The following HPS4 variants were observed in gnomAD, a reference collection of about 807,000 sequenced individuals.
The protein encoded by HPS4 is HPS4 biogenesis of lysosomal organelles complex 3 subunit 2.
HPS4 carries 44 observed loss-of-function variants against 70.3 expected under a neutral mutation model. The ratio of observed to expected loss-of-function variants is 0.63; its 90% CI spans 0.49 to 0.80. HPS4 has a LOEUF of 0.80. Among genes scored for constraint, HPS4 ranks in the 30% least tolerant of loss-of-function variants. The probability of loss-of-function intolerance (pLI) is 0.00; values close to 1 mark genes in which losing one functional copy is unlikely to be tolerated. For missense variants in HPS4, 873 were observed against 884.4 expected, an observed-to-expected ratio of 0.99 and a Z score of 0.16; for synonymous variants, 377 against 355.9, an observed-to-expected ratio of 1.06 and a Z score of -0.67.
Position 26,464,447 on chromosome 22 carries a change from G to T in HPS4, c.1183C>A (p.Pro395Thr). 1 of 1,614,222 alleles carries T rather than the reference G, an allele frequency of 6.2e-7. No individual in the cohort carries two copies. The highest frequency in any genetic ancestry group is 8.5e-7 in the Non-Finnish European group (1 of 1,180,034). ...TTGCAGTAAGGAGCCCTGCCATCTG[G>T]AACAGGCACATGTAGGAAGGCAAAA... ...GHFAFLHVPV[P>T]DGRAPYCKAS... Residue 395 changes from proline to threonine, a missense_variant, in exon 11 of 14, where the codon CCA becomes ACA. Coordinates refer to ENST00000398145, the MANE Select transcript of HPS4 (RefSeq NM_022081.6).
chr22:26,457,297 ACCTCTG>A (rs2086327271), intron 13 of HPS4, among the ~76,000 whole-genome samples: 1 of 148,684 alleles, frequency 6.7e-6, no homozygotes, highest in Admixed American at 6.8e-5. Flanking sequence ...GCTCACTATA[ACCTCTG>A]CCACCCGGGT....
At chr22:26,453,795 T>C (rs1280059167) in intron 13 of HPS4, 1 of 304,864 alleles carries the variant, frequency 3.3e-6, no homozygotes, top group Non-Finnish European at 6.4e-6. Flanking sequence ...TATGGTCCCA[T>C]TTCACAGACA....
intron 13 of HPS4, among the ~76,000 whole-genome samples, chr22:26,455,495 C>T (rs537994554): frequency 1.4e-5 from 2 of 148,074 alleles, no homozygotes; most frequent in African/African-American, 5.0e-5. Context: ...AAAAACCAAA[C>T]ACCACATGTT....
At chr22:26,465,280 C>T (rs531626298) in intron 10 of HPS4, among the ~76,000 whole-genome samples, 175 bp downstream of exon 10, 1 of 152,336 alleles carries the variant, frequency 6.6e-6, no homozygotes, top group Non-Finnish European at 1.5e-5. Flanking sequence ...TGTCATCTCT[C>T]TATGCCACTC....
Position 26,479,296 on chromosome 22 carries a change from C to T in HPS4, c.101G>A (p.Arg34Lys). The part of the protein sequence containing the change: ...SKVKEEGDPT[R>K]AGICYFYPSQ... ...AGGATAAAAGTAACAAATGCCAGCT[C>T]TTGTTGGATCGCCTTCTTCCTTTAC... The change falls in exon 3 of 14, where the codon AGA becomes AAA. Residue 34 changes from arginine to lysine, a missense_variant. By Grantham distance (26) the Arg-to-Lys change is conservative. Coordinates refer to ENST00000398145, the MANE Select transcript of HPS4 (RefSeq NM_022081.6). 6.2e-7 allele frequency: 1 copy of T among 1,614,176 alleles called. No individual in the cohort carries two copies. Among genetic ancestry groups the T allele is most frequent in the African/African-American group, 1.3e-5 (1 of 75,040 alleles).
rs5761550 is a variant in HPS4, at chr22:26,472,988, C to G, written c.277-49G>C. On this transcript the variant is annotated intron_variant, in intron 4 of 13. Transcript: ENST00000398145. ...ACAAGCATCTTCCTTCTCTTTGAGT[C>G]CAAGCCCAGAATCCTGGCATCCAGG... 210 of 1,542,210 alleles carry G rather than the reference C, an allele frequency of 1.4e-4. 1 individual carries two copies. The East Asian group carries it at 3.2e-3, about 23-fold the overall frequency.
chr22:26,467,312 C>A (rs546636021), intron 8 of HPS4: 3 of 152,338 alleles, frequency 2.0e-5, no homozygotes, highest in South Asian at 4.1e-4. Flanking sequence ...TCTGTCCCAC[C>A]TACTTGGTTC....
chr22:26,464,720 T>C lies in HPS4; in HGVS notation c.910A>G (p.Met304Val). 2 of 1,601,788 alleles carry C rather than the reference T, an allele frequency of 1.2e-6. No homozygotes were observed. Among genetic ancestry groups the C allele is most frequent in the Non-Finnish European group, 1.7e-6 (2 of 1,172,322 alleles). Reference sequence around the variant, plus strand: ...GTGGGATCTGGGGTGGTCCAGGCCATGGATTCCACATGGCCAGTGGCGTTT... The same window carrying C: ...GTGGGATCTGGGGTGGTCCAGGCCACGGATTCCACATGGCCAGTGGCGTTT... ...KENATGHVES[M>V]AWTTPDPTSP... Residue 304 changes from methionine (M) to valine (V), a missense_variant, in exon 11 of 14, where the codon ATG becomes GTG. Transcript: ENST00000398145.
intron 2 of HPS4, among the ~76,000 whole-genome samples, chr22:26,480,606 C>A (rs943042273): frequency 2.6e-5 from 4 of 152,194 alleles, no homozygotes; most frequent in African/African-American, 9.6e-5. Context: ...GGCTCCCACC[C>A]TGCCTTCCTG....
intron 7 of HPS4, 72 bp from the exon 8 acceptor site, chr22:26,468,695 C>T (rs1446999060): frequency 1.2e-5 from 16 of 1,349,546 alleles, no homozygotes; most frequent in South Asian, 4.8e-5. Flanking sequence ...TTTAAAGATG[C>T]CTAACAGCCC....
In HPS4 at chr22:26,483,716, G is replaced by A. The variant is rs1350304799; in HGVS notation, c.-521C>T. 7.0e-6 allele frequency: 3 copies of A among 430,318 alleles called. No individual in the cohort carries two copies. Among genetic ancestry groups the A allele is most frequent in the Non-Finnish European group, 1.2e-5 (3 of 254,436 alleles). The allele number at this position is 430,318 out of a possible 1,614,324, so 26.7% of individuals were successfully genotyped here. On this transcript the variant is annotated 5_prime_UTR_variant, in exon 1 of 14. Transcript: ENST00000398145. ...CCAGTGCTCGGGGTTCGGGACTCTG[G>A]ACCAGAAATGTGGGCAGCAGCTGGG...
chr22:26,483,793 C>T (rs1332468354), upstream of HPS4: 7 of 977,450 alleles, frequency 7.2e-6, no homozygotes, highest in Non-Finnish European at 8.1e-6. Context: ...GGCCTTAGGT[C>T]ACGCGCCGCC....
At chr22:26,458,708 G>A in intron 11 of HPS4, 131 bp from the exon 12 acceptor site, 1 of 1,090,024 alleles carries the variant, frequency 9.2e-7, no homozygotes, top group Non-Finnish European at 1.3e-6. Context: ...TGTAATCCCA[G>A]TGCTTTGTGA....
In HPS4 at chr22:26,458,489, G is replaced by T. The variant is rs772632659; in HGVS notation, c.1802C>A (p.Thr601Asn). The T allele has an allele frequency of 4.3e-6, 7 of 1,614,140 alleles. No homozygotes were observed. The Admixed American group carries it at 1.2e-4, about 27-fold the overall frequency. The change falls in exon 12 of 14, where the codon ACC becomes AAC. Residue 601 changes from threonine (T) to asparagine (N), a missense_variant. Transcript: ENST00000398145. The part of the protein sequence containing the change: ...PRDEAASTSS[T>N]YNFTHYDRIQ... ...GCGGTCGTAATGTGTGAAGTTGTAG[G>T]TGCTGCTCGTGGAGGCTGCCTCATC... is the stretch of plus-strand genomic sequence containing the variant.
downstream of HPS4, among the ~76,000 whole-genome samples, chr22:26,447,894 C>A (rs1388258380): frequency 6.6e-6 from 1 of 152,198 alleles, no homozygotes; most frequent in African/African-American, 2.4e-5. Context: ...TAGCCACCCC[C>A]ACGTTCGAGG....
intron 11 of HPS4, among the ~76,000 whole-genome samples, chr22:26,462,556 A>C (rs369098589): frequency 6.6e-6 from 1 of 152,376 alleles, no homozygotes; most frequent in Non-Finnish European, 1.5e-5. Flanking sequence ...TTTCACATAT[A>C]GTTGGTGCAG....
rs376221426 is a variant in HPS4, at chr22:26,472,906, T to C, written c.310A>G (p.Ser104Gly). ...LGCAVELPDV[S>G]CKRFLDQLVG... ...AGCTGATCCAGAAACCGCTTGCAGC[T>C]GACATCAGGGAGCTCCACAGCACAG... is the stretch of plus-strand genomic sequence containing the variant. The change falls in exon 5 of 14, where the codon AGC (serine) becomes GGC (glycine). Residue 104 changes from serine (S) to glycine (G), a missense_variant. By Grantham distance (56) the Ser-to-Gly change is moderately conservative. Coordinates refer to ENST00000398145, the MANE Select transcript of HPS4 (RefSeq NM_022081.6). The C allele has an allele frequency of 6.2e-7, 1 of 1,614,096 alleles. No individual in the cohort carries two copies. Among genetic ancestry groups the C allele is most frequent in the African/African-American group, 1.3e-5 (1 of 74,946 alleles).
At chr22:26,446,611 G>A (rs983947078), downstream of HPS4, among the ~76,000 whole-genome samples, 2 of 152,128 alleles carry the variant, frequency 1.3e-5, no homozygotes, top group Non-Finnish European at 2.9e-5. Flanking sequence ...GCTGCTGTGA[G>A]TAGCAAGAAT....
chr22:26,468,406 G>C (rs1459190833), intron 8 of HPS4, 145 bp downstream of exon 8: 1 of 730,734 alleles, frequency 1.4e-6, no homozygotes, highest in Non-Finnish European at 2.5e-6. Context: ...CTACTGAGGA[G>C]AATGACATTG....
Sources: allele counts gnomAD v4.1 joint callset (sites outside exome capture counted in the v4.1 genomes callset), GRCh38; gene constraint gnomAD v4.1.1; transcripts MANE v1.5; gene names NCBI Gene and HGNC (gene_info 2026-07-23, HGNC 2026-07-21).